The following MORC2 variants were observed in gnomAD, a reference collection of about 807,000 sequenced individuals.
The protein encoded by MORC2 is MORC family CW-type zinc finger 2, also known as ATPase MORC2.
Under a neutral mutation model 136.0 loss-of-function variants are expected in MORC2, and 30 were observed. The observed-to-expected ratio is 0.22, with a 90% CI of 0.17 to 0.30. The LOEUF (loss-of-function observed/expected upper bound fraction) is 0.30, where lower values mean the gene tolerates loss of function less well. Among genes scored for constraint, MORC2 ranks in the 10% least tolerant of loss-of-function variants. The pLI is 1.00. For synonymous variants in MORC2, 439 were observed against 487.0 expected (o/e 0.90, Z 1.30); for missense variants, 922 against 1,333.1 (o/e 0.69, Z 4.80).
In MORC2 at chr22:30,925,587, T is replaced by C. The variant is rs1007396340; in HGVS notation, c.*1216A>G. ...GGGAGATGCCAGAAACACACCCAGGTTTGAACCACAGGTTAGTGGTACAAA... is the reference window on the plus strand; with the variant it reads ...GGGAGATGCCAGAAACACACCCAGGCTTGAACCACAGGTTAGTGGTACAAA... On this transcript the variant is annotated 3_prime_UTR_variant, in exon 26 of 26. Transcript: ENST00000397641. 1.3e-5 allele frequency: 2 copies of C among 153,942 alleles called. No individual in the cohort carries two copies. Among genetic ancestry groups the C allele is most frequent in the African/African-American group, 4.8e-5 (2 of 41,404 alleles). 9.5% of individuals were successfully genotyped at this position (153,942 alleles called of 1,614,324 possible).
Position 30,937,726 on chromosome 22 carries a change from C to G in MORC2, c.1370-15G>C. ...TCCCCTCTGGGCTGGAAAGCAAACA[C>G]CGATACATCATGTTAGGAGCCAGCC... is the stretch of plus-strand genomic sequence containing the variant. On this transcript the variant is annotated splice_polypyrimidine_tract_variant and intron_variant, in intron 14 of 25. Coordinates refer to ENST00000397641, the MANE Select transcript of MORC2 (RefSeq NM_001303256.3). This position sits in a 1 kb window ranked among gnomAD's most constrained non-coding sequence, Gnocchi z 4.7. The G allele has an allele frequency of 6.2e-7, 1 of 1,614,088 alleles. No individual in the cohort carries two copies. The highest frequency in any genetic ancestry group is 8.5e-7 in the Non-Finnish European group (1 of 1,180,018).
rs1407551364 is a variant in MORC2, at chr22:30,932,455, AAAG to A, written c.2748-6_2748-4del. The A allele has an allele frequency of 9.3e-6, 15 of 1,613,656 alleles. No individual in the cohort carries two copies. Among genetic ancestry groups the A allele is most frequent in the Non-Finnish European group, 9.3e-6 (11 of 1,179,696 alleles). Reference sequence around the variant, plus strand: ...GCAGGAAGTACCGTAAACAATTCCTAAAGAAGGCAGGGACAGTAATTCAGAATG... The same window carrying A: ...GCAGGAAGTACCGTAAACAATTCCTAAAGGCAGGGACAGTAATTCAGAATG... On this transcript the variant is annotated splice_region_variant and splice_polypyrimidine_tract_variant and intron_variant, in intron 23 of 25. Transcript: ENST00000397641. This position sits in a 1 kb window ranked among gnomAD's most constrained non-coding sequence, Gnocchi z 4.4.
intron 25 of MORC2, 44 bp downstream of exon 25, chr22:30,927,975 G>A: frequency 6.2e-7 from 1 of 1,607,936 alleles, no homozygotes; most frequent in Non-Finnish European, 8.5e-7. Context: ...CCCTCCCTGA[G>A]AGACCAGGTG....
At position 30,968,696 on chromosome 22, in the gene MORC2, T is replaced by C. The variant is rs564292512; in HGVS notation, c.-807A>G. On this transcript the variant is annotated 5_prime_UTR_variant, in exon 1 of 26. Coordinates refer to ENST00000397641, the MANE Select transcript of MORC2 (RefSeq NM_001303256.3). The stretch of plus-strand genomic sequence containing the variant: ...TGGCCGCCTCCCCACGAAGAGGAGC[T>C]ACTCCCGGCTTCCAAGGACCGGATC... Among the ~76,000 whole-genome samples the C allele has an allele frequency of 6.6e-6, 1 of 152,084 alleles. No individual in the cohort carries two copies. Among genetic ancestry groups the C allele is most frequent in the South Asian group, 2.1e-4 (1 of 4,820 alleles).
At chr22:30,953,024 A>T (rs1432102697) in intron 3 of MORC2, among the ~76,000 whole-genome samples, 1 of 152,220 alleles carries the variant, frequency 6.6e-6, no homozygotes, top group Non-Finnish European at 1.5e-5. Flanking sequence ...TCGCATTTCT[A>T]ACAAGTTCCA....
intron 17 of MORC2, 39 bp downstream of exon 17, chr22:30,936,455 TCACAGGCAGAGCCCTGA>T: frequency 6.2e-7 from 1 of 1,602,752 alleles, no homozygotes. Flanking sequence ...AAGGTTCCTG[TCACAGGCAGAGCCCTGA>T]CACAGGCTGG....
intron 1 of MORC2, among the ~76,000 whole-genome samples, chr22:30,959,652 C>A (rs2041015322): frequency 6.6e-6 from 1 of 152,026 alleles, no homozygotes; most frequent in Non-Finnish European, 1.5e-5. Context: ...AAAAAAAACA[C>A]TTGACTTCTG....
At chr22:30,950,353 C>CACAAA in intron 4 of MORC2, 24 bp downstream of exon 4, 1 of 1,481,962 alleles carries the variant, frequency 6.7e-7, no homozygotes, top group Non-Finnish European at 9.4e-7. Context: ...CCCCACCCCC[C>CACAAA]AAAACAATAA....
chr22:30,931,227 C>A (rs1341814386), intron 24 of MORC2, among the ~76,000 whole-genome samples: 2 of 152,232 alleles, frequency 1.3e-5, no homozygotes, highest in Non-Finnish European at 2.9e-5. Flanking sequence ...AGATTACAGC[C>A]CCTGGGCCGA....
intron 2 of MORC2, among the ~76,000 whole-genome samples, chr22:30,958,171 T>C (rs960180729): frequency 1.3e-5 from 2 of 152,258 alleles, no homozygotes; most frequent in African/African-American, 4.8e-5. Context: ...GCACAGCTGC[T>C]AACAATGAAA....
In MORC2 at chr22:30,968,125, CTA is replaced by C. The variant is rs1876021341; in HGVS notation, c.-238_-237del. The C allele has an allele frequency of 2.0e-6, 1 of 497,656 alleles. No individual in the cohort carries two copies. The highest frequency in any genetic ancestry group is 2.0e-5 in the African/African-American group (1 of 50,982). The allele number at this position is 497,656 out of a possible 1,614,324, so 30.8% of individuals were successfully genotyped here. ...TTATGATGTAATATTTTGGAAGGAA[CTA>C]TGTCATAAATCTGTAGCTTTAAGGA... On this transcript the variant is annotated 5_prime_UTR_variant, in exon 1 of 26. It removes the in-frame stop codon of an upstream open reading frame in the 5' UTR. Coordinates refer to ENST00000397641, the MANE Select transcript of MORC2 (RefSeq NM_001303256.3).
At chr22:30,927,764 G>A (rs2040510684) in intron 25 of MORC2, among the ~76,000 whole-genome samples, 1 of 152,208 alleles carries the variant, frequency 6.6e-6, no homozygotes, top group South Asian at 2.1e-4. Flanking sequence ...TCGTTTTTAT[G>A]GCTTGGAGGG....
Position 30,934,274 on chromosome 22 carries a change from C to A in MORC2, c.2194-83G>T. 1.3e-6 allele frequency: 2 copies of A among 1,574,102 alleles called. No homozygotes were observed. The highest frequency in any genetic ancestry group is 2.3e-5 in the South Asian group (2 of 85,710). Reference sequence around the variant, plus strand: ...AAGATTTCATCTAGCCTAAAGGAGTCGTTCCAAGAGGAGCTGTACTCCCTG... The same window carrying A: ...AAGATTTCATCTAGCCTAAAGGAGTAGTTCCAAGAGGAGCTGTACTCCCTG... On this transcript the variant is annotated intron_variant, in intron 19 of 25. Coordinates refer to ENST00000397641, the MANE Select transcript of MORC2 (RefSeq NM_001303256.3). The surrounding 1 kb of genome is among the most constrained non-coding windows in gnomAD (Gnocchi z 4.4).
intron 1 of MORC2, among the ~76,000 whole-genome samples, chr22:30,965,910 T>C (rs1261266555): frequency 6.6e-6 from 1 of 152,264 alleles, no homozygotes; most frequent in Non-Finnish European, 1.5e-5. Flanking sequence ...CACTGCCTAA[T>C]GGTTAAAAGC....
intron 12 of MORC2, among the ~76,000 whole-genome samples, chr22:30,939,223 T>C (rs1378265407): frequency 6.6e-6 from 1 of 152,056 alleles, no homozygotes; most frequent in Non-Finnish European, 1.5e-5. Flanking sequence ...TATGAAAAAA[T>C]ATATATGTAA....
chr22:30,967,395 T>A, intron 1 of MORC2: 3 of 987,340 alleles, frequency 3.0e-6, no homozygotes, highest in Non-Finnish European at 2.4e-6. Context: ...GTCATTTAAA[T>A]GTCTTCTGTT....
intron 3 of MORC2, among the ~76,000 whole-genome samples, chr22:30,951,604 T>C (rs1313401137): frequency 6.6e-6 from 1 of 152,200 alleles, no homozygotes; most frequent in Non-Finnish European, 1.5e-5. Flanking sequence ...GTGTAAGGTA[T>C]TACAAGGGCA....
intron 6 of MORC2, among the ~76,000 whole-genome samples, chr22:30,944,872 T>C (rs547177135): frequency 1.3e-5 from 2 of 152,352 alleles, no homozygotes; most frequent in African/African-American, 4.8e-5. Context: ...GCCTCTCAAC[T>C]GGAACACTCC....
chr22:30,961,697 C>T (rs962066584), intron 1 of MORC2, among the ~76,000 whole-genome samples: 1 of 152,102 alleles, frequency 6.6e-6, no homozygotes, highest in African/African-American at 2.4e-5. Flanking sequence ...ATGAAGTTTC[C>T]AGTCTTTGGT....
Sources: gnomAD v4.1 joint callset for allele counts (sites outside exome capture counted in the v4.1 genomes callset) on GRCh38, gnomAD v4.1.1 for gene constraint, Gnocchi (gnomAD v3.1) non-coding constraint, MANE v1.5 for transcripts, NCBI Gene and HGNC (gene_info 2026-07-23, HGNC 2026-07-21) for gene names.